The following PLB1 variants were observed in gnomAD, a reference collection of about 807,000 sequenced individuals.
PLB1 encodes phospholipase B1, membrane-associated.
PLB1 carries 242 observed loss-of-function variants against 227.4 expected under a neutral mutation model. The ratio of observed to expected loss-of-function variants is 1.06; its 90% CI spans 0.96 to 1.18. The LOEUF (loss-of-function observed/expected upper bound fraction) is 1.18. PLB1 is among the 50% of genes most tolerant of loss of function. The probability of loss-of-function intolerance (pLI) is 0.00; values close to 1 mark genes in which losing one functional copy is unlikely to be tolerated. For missense variants in PLB1, 1,858 were observed against 1,816.3 expected, an observed-to-expected ratio of 1.02 and a Z score of -0.42; for synonymous variants, 757 against 682.2, an observed-to-expected ratio of 1.11 and a Z score of -1.71.
At chr2:28,549,967 GA>G in intron 15 of PLB1, 42 bp from the exon 16 acceptor site, 2 of 1,538,174 alleles carry the variant, frequency 1.3e-6, no homozygotes, top group Non-Finnish European at 9.0e-7. Context: ...AAGGGATACA[GA>G]CTTCTAGGGT....
At chr2:28,640,835 C>G in intron 56 of PLB1, 92 bp from the exon 57 acceptor site, 1 of 1,335,766 alleles carries the variant, frequency 7.5e-7, no homozygotes, top group Admixed American at 2.3e-5. Flanking sequence ...ACCCCGTTCC[C>G]GAGGGAGGGG....
At chr2:28,548,275 G>A (rs1673610818) in intron 14 of PLB1, among the ~76,000 whole-genome samples, 1 of 152,174 alleles carries the variant, frequency 6.6e-6, no homozygotes, top group South Asian at 2.1e-4. Flanking sequence ...CTGCGGGGAG[G>A]ACTTGGGAAA....
chr2:28,562,272 G>A (rs367743088), intron 17 of PLB1, among the ~76,000 whole-genome samples: 177 of 152,012 alleles, frequency 1.2e-3, no homozygotes, highest in African/African-American at 4.0e-3. Flanking sequence ...GGCCGGGCGC[G>A]TTGGCTCTCG....
chr2:28,592,148 C>T (rs577146946), intron 31 of PLB1, among the ~76,000 whole-genome samples: 22 of 152,124 alleles, frequency 1.4e-4, no homozygotes, highest in Non-Finnish European at 2.6e-4. Context: ...TTTCCCTGGG[C>T]TGTTCAGAAG....
chr2:28,611,021 A>G (rs763285637), intron 43 of PLB1, among the ~76,000 whole-genome samples: 1 of 152,158 alleles, frequency 6.6e-6, no homozygotes, highest in African/African-American at 2.4e-5. Context: ...CCAAATGGTC[A>G]ATGGTCAATA....
intron 38 of PLB1, among the ~76,000 whole-genome samples, chr2:28,602,165 G>C (rs1407324491): frequency 5.3e-5 from 8 of 152,218 alleles, no homozygotes; most frequent in Admixed American, 5.2e-4. Flanking sequence ...CCTCAGGTCT[G>C]AAGGAGGGAA....
chr2:28,614,279 TCAAGTTGCTTAC>T (rs1450743811), intron 44 of PLB1, among the ~76,000 whole-genome samples, 183 bp downstream of exon 44: 1 of 152,152 alleles, frequency 6.6e-6, no homozygotes, highest in Non-Finnish European at 1.5e-5. Context: ...TAACATGTTC[TCAAGTTGCTTAC>T]CTGACGTCAG....
chr2:28,621,854 A>G (rs774928769), intron 49 of PLB1, among the ~76,000 whole-genome samples: 12 of 145,568 alleles, frequency 8.2e-5, no homozygotes, highest in Non-Finnish European at 1.5e-4. Context: ...AATTACTGTT[A>G]TTATTGTTAT....
intron 6 of PLB1, among the ~76,000 whole-genome samples, chr2:28,527,145 C>T (rs1049405672): frequency 2.0e-5 from 3 of 152,176 alleles, no homozygotes; most frequent in Admixed American, 1.3e-4. Flanking sequence ...ACCCTGAAGC[C>T]ACAAATGCAG....
chr2:28,627,369 C>T (rs1687940770), intron 51 of PLB1, among the ~76,000 whole-genome samples: 1 of 152,158 alleles, frequency 6.6e-6, no homozygotes, highest in Non-Finnish European at 1.5e-5. Flanking sequence ...GCTGCGTGGA[C>T]ACTGTGGACG....
chr2:28,559,319 G>A (rs1050766710), intron 17 of PLB1, among the ~76,000 whole-genome samples: 2 of 152,226 alleles, frequency 1.3e-5, no homozygotes, highest in Non-Finnish European at 2.9e-5. Context: ...TCTGAAGGTG[G>A]GGCCCAGCCA....
In PLB1 at chr2:28,592,644, T is replaced by C. The variant is rs758494543; in HGVS notation, c.2189-17T>C. 153 of 1,613,708 alleles carry C rather than the reference T, an allele frequency of 9.5e-5. No homozygotes were observed. The highest frequency in any genetic ancestry group is 1.0e-4 in the Non-Finnish European group (122 of 1,179,736). ...CTTCCCTCCTGCAGCCCTAAGTGTG[T>C]CCACTTGTCTTTCCAGTGCATGCCC... On this transcript the variant is annotated splice_polypyrimidine_tract_variant and intron_variant, in intron 31 of 57. Transcript: ENST00000327757.
At chr2:28,613,205 A>G (rs987367505) in intron 43 of PLB1, among the ~76,000 whole-genome samples, 1 of 152,174 alleles carries the variant, frequency 6.6e-6, no homozygotes, top group South Asian at 2.1e-4. Context: ...GAATACAGGC[A>G]TGGGCCACTG....
rs536537228 is a variant in PLB1, at chr2:28,532,572, T to G, written c.555+378T>G. The stretch of plus-strand genomic sequence containing the variant: ...ACTGTCACAAGGAACAGGTGTTTTT[T>G]ACTTACCATCCCTCATATCAGGAAA... On this transcript the variant is annotated intron_variant, in intron 9 of 57. Coordinates refer to ENST00000327757, the MANE Select transcript of PLB1 (RefSeq NM_153021.5). 2.6e-3 allele frequency among the ~76,000 whole-genome samples: 391 copies of G among 152,348 alleles called. 1 individual carries two copies. Among genetic ancestry groups the G allele is most frequent in the Non-Finnish European group, 4.6e-3 (315 of 68,040 alleles).
intron 35 of PLB1, among the ~76,000 whole-genome samples, chr2:28,600,348 G>C (rs1464652732): frequency 6.6e-6 from 1 of 152,198 alleles, no homozygotes; most frequent in Non-Finnish European, 1.5e-5. Flanking sequence ...GAAATAAAGA[G>C]GAAGCCTGTG....
chr2:28,614,869 A>G (rs1685973391), intron 44 of PLB1, among the ~76,000 whole-genome samples: 1 of 152,198 alleles, frequency 6.6e-6, no homozygotes, highest in African/African-American at 2.4e-5. Context: ...TATGTGCCAG[A>G]CACTATTCCA....
At chr2:28,611,918 A>T (rs1396471094) in intron 43 of PLB1, among the ~76,000 whole-genome samples, 2 of 150,652 alleles carry the variant, frequency 1.3e-5, no homozygotes, top group Non-Finnish European at 3.0e-5. Flanking sequence ...AGGCGGGCGG[A>T]TCACCAGGTC....
intron 24 of PLB1, 28 bp downstream of exon 24, chr2:28,582,161 A>G: frequency 6.2e-7 from 1 of 1,600,394 alleles, no homozygotes; most frequent in East Asian, 2.2e-5. Flanking sequence ...TGAGGCCTGC[A>G]TCTTAGACCT....
intron 1 of PLB1, among the ~76,000 whole-genome samples, chr2:28,503,218 T>A (rs1356949820): frequency 6.6e-6 from 1 of 152,132 alleles, no homozygotes; most frequent in African/African-American, 2.4e-5. Context: ...AGTGGCCTGA[T>A]CACAGCTCAC....
Sources: gnomAD v4.1 joint callset for allele counts (sites outside exome capture counted in the v4.1 genomes callset) on GRCh38, gnomAD v4.1.1 for gene constraint, MANE v1.5 for transcripts, NCBI Gene and HGNC (gene_info 2026-07-23, HGNC 2026-07-21) for gene names.